Variants in ITGB1 observed in about 807,000 individuals in gnomAD.
ITGB1 encodes the protein integrin beta-1.
A neutral mutation model predicts 86.5 loss-of-function variants in ITGB1; 24 were observed. The observed-to-expected ratio is 0.28, with a 90% CI of 0.20 to 0.39. ITGB1 has a LOEUF of 0.39. Ranked by LOEUF, ITGB1 falls within the 10% of genes least tolerant of loss-of-function variation. The probability of loss-of-function intolerance (pLI) is 1.00; values close to 1 mark genes in which losing one functional copy is unlikely to be tolerated. For synonymous variants in ITGB1, 323 were observed against 316.8 expected, an observed-to-expected ratio of 1.02 and a Z score of -0.21; for missense variants, 556 against 946.9, an observed-to-expected ratio of 0.59 and a Z score of 5.42.
intron 13 of ITGB1, 58 bp from the exon 14 acceptor site, chr10:32,910,513 C>A: frequency 8.3e-7 from 1 of 1,205,312 alleles, no homozygotes; most frequent in South Asian, 1.5e-5. Context: ...TAAATATTTG[C>A]TTAAACATAT....
rs2094965813 is a variant in ITGB1, at chr10:32,926,639, C to A, written c.548-530G>T. 2.0e-5 allele frequency among the ~76,000 whole-genome samples: 3 copies of A among 152,198 alleles called. No homozygotes were observed. The South Asian group carries it at 6.2e-4, about 31-fold the overall frequency. ...TCCTGAGGCCTCCCCAGAGGCCTTG[C>A]TGATGCTAGCGCCATGCTTCCTGTA... On this transcript the variant is annotated intron_variant, in intron 5 of 15. Transcript: ENST00000302278.
At chr10:32,905,006 C>T (rs1266140787) in intron 15 of ITGB1, among the ~76,000 whole-genome samples, 1 of 148,564 alleles carries the variant, frequency 6.7e-6, no homozygotes, top group African/African-American at 2.5e-5. Context: ...CAACATTTGA[C>T]TATTTTTGAC....
At chr10:32,910,597 A>G (rs1280160739) in intron 13 of ITGB1, 142 bp from the exon 14 acceptor site, 6 of 569,248 alleles carry the variant, frequency 1.1e-5, no homozygotes, top group Non-Finnish European at 1.9e-5. Context: ...GAAGAGGAAC[A>G]TTACATTTGT....
At chr10:32,918,116 T>C (rs1180826010) in intron 11 of ITGB1, among the ~76,000 whole-genome samples, 2 of 152,140 alleles carry the variant, frequency 1.3e-5, no homozygotes, top group African/African-American at 4.8e-5. Flanking sequence ...ACACTGCACC[T>C]TCTCACTCAT....
intron 1 of ITGB1, among the ~76,000 whole-genome samples, chr10:32,939,719 GGTAA>G (rs781288660): frequency 1.8e-4 from 19 of 108,118 alleles, no homozygotes; most frequent in South Asian, 1.1e-3. Flanking sequence ...TGGCTGGGTG[GGTAA>G]GTGAGTGAGT....
intron 1 of ITGB1, chr10:32,944,471 C>T: frequency 1.1e-5 from 4 of 365,760 alleles, no homozygotes; most frequent in South Asian, 4.5e-5. Context: ...CGCGCGTCAC[C>T]AAACACTGTG....
At chr10:32,904,297 C>T (rs372362086) in intron 15 of ITGB1, among the ~76,000 whole-genome samples, 60 of 152,116 alleles carry the variant, frequency 3.9e-4, no homozygotes, top group African/African-American at 1.4e-3. Flanking sequence ...AAAAAACCCG[C>T]AGCAAGAGAA....
rs566075300 is a variant in ITGB1 at position 32,920,365 on chromosome 10, A to G, written c.1149T>C (p.Ile383=). Residue 383 remains isoleucine (I), a synonymous_variant, in exon 10 of 16, where the codon ATT becomes ATC. Transcript: ENST00000302278. ...DAYNSLSSEV[I]LENGKLSEGV... Reference sequence around the variant, plus strand: ...CTTCTGACAATTTGCCGTTTTCCAAAATGACTTCTGAGGAAAGGGACTAAA... The same window carrying G: ...CTTCTGACAATTTGCCGTTTTCCAAGATGACTTCTGAGGAAAGGGACTAAA... 6 of 1,613,536 alleles carry G rather than the reference A, an allele frequency of 3.7e-6. No individual in the cohort carries two copies. In the African/African-American group the frequency reaches 6.7e-5, roughly 18 times the overall value.
At chr10:32,957,635 G>A (rs2095055248) in intron 1 of ITGB1, 1 of 152,092 alleles carries the variant, frequency 6.6e-6, no homozygotes, top group Non-Finnish European at 1.5e-5. Flanking sequence ...GGGCGCCGAC[G>A]GCTGGCTCGA....
intron 1 of ITGB1, among the ~76,000 whole-genome samples, chr10:32,957,478 C>T (rs966306032): frequency 2.6e-5 from 4 of 152,146 alleles, no homozygotes; most frequent in African/African-American, 9.7e-5. Context: ...TTTATAAACA[C>T]GGGGAAGTGG....
intron 6 of ITGB1, among the ~76,000 whole-genome samples, chr10:32,924,210 G>A (rs1165610922): frequency 6.6e-6 from 1 of 152,046 alleles, no homozygotes; most frequent in African/African-American, 2.4e-5. Flanking sequence ...TTCTTTATCA[G>A]CCCACCATAT....
rs149776962 is a variant in ITGB1, at chr10:32,911,492, C to T, written c.1887G>A (p.Thr629=). 25 of 1,614,174 alleles carry T rather than the reference C, an allele frequency of 1.5e-5. No individual in the cohort carries two copies. The highest frequency in any genetic ancestry group is 2.0e-5 in the Non-Finnish European group (24 of 1,180,014). Residue 629 remains threonine, a synonymous_variant, in exon 13 of 16, where the codon ACG becomes ACA. Transcript: ENST00000302278. ...KCTDPKFQGQ[T]CEMCQTCLGV... ...CAAGGCAGGTCTGACACATCTCACA[C>T]GTTTGCCCTTGAAACTTCGGATCTG...
intron 11 of ITGB1, among the ~76,000 whole-genome samples, chr10:32,918,048 C>T (rs1002548936): frequency 1.3e-5 from 2 of 152,152 alleles, no homozygotes; most frequent in African/African-American, 4.8e-5. Flanking sequence ...TTTGTAGGGA[C>T]ATGGATGAAG....
chr10:32,920,048 G>C lies in ITGB1; in HGVS notation c.1306C>G (p.Pro436Ala). The change falls in exon 11 of 16, where the codon CCA becomes GCA. Residue 436 changes from proline (P) to alanine (A), a missense_variant. Pro to Ala is a conservative substitution (Grantham distance 27, BLOSUM62 -1). Around this residue, in one of 4 missense-constraint regions of ITGB1, gnomAD observed 330 missense variants for 531.5 expected, o/e 0.62. Transcript: ENST00000302278. Reference sequence around the variant, plus strand: ...TTAAAGCTGTCAGAATCCTTTTTTGGACACTTATTTGAAGTTATGCTAATT... The same window carrying C: ...TTAAAGCTGTCAGAATCCTTTTTTGCACACTTATTTGAAGTTATGCTAATT... The part of the protein sequence containing the change: ...FEISITSNKC[P>A]KKDSDSFKIR... The C allele has an allele frequency of 1.2e-6, 2 of 1,613,770 alleles. No individual in the cohort carries two copies. The highest frequency in any genetic ancestry group is 1.7e-6 in the Non-Finnish European group (2 of 1,179,886).
intron 1 of ITGB1, among the ~76,000 whole-genome samples, chr10:32,952,523 C>T (rs1182842457): frequency 3.9e-5 from 6 of 152,092 alleles, no homozygotes; most frequent in Non-Finnish European, 8.8e-5. Flanking sequence ...GAAAATCATA[C>T]ATAAACCATA....
rs761676150 is a variant in ITGB1, at chr10:32,932,500, A to G, written c.153+15T>C. The G allele has an allele frequency of 8.6e-6, 13 of 1,504,162 alleles. No individual in the cohort carries two copies. The highest frequency in any genetic ancestry group is 1.7e-5 in the Admixed American group (1 of 59,832). 93.2% of individuals were successfully genotyped at this position (1,504,162 alleles called of 1,614,324 possible). A position where few individuals can be genotyped will look rare whatever the true frequency, so the allele number is the denominator to read the frequency against. On this transcript the variant is annotated intron_variant, in intron 3 of 15. Coordinates refer to ENST00000302278, the MANE Select transcript of ITGB1 (RefSeq NM_002211.4). The stretch of plus-strand genomic sequence containing the variant: ...CCAGAGAACAAATGGAAAGGACTTG[A>G]GCAACCTTACTTACTGAATTTGTGC...
At chr10:32,903,810 T>A (rs2094888993) in intron 15 of ITGB1, among the ~76,000 whole-genome samples, 1 of 152,226 alleles carries the variant, frequency 6.6e-6, no homozygotes, top group Non-Finnish European at 1.5e-5. Context: ...AACTGGATTT[T>A]GGCAACTACT....
At chr10:32,932,749 G>C (rs1366243224) in intron 2 of ITGB1, 149 bp from the exon 3 acceptor site, 3 of 553,408 alleles carry the variant, frequency 5.4e-6, no homozygotes, top group South Asian at 4.3e-5. Flanking sequence ...TCCCCAAAGA[G>C]AGCAGGATTT....
chr10:32,915,504 T>C (rs1046181194), intron 11 of ITGB1, among the ~76,000 whole-genome samples: 42 of 152,118 alleles, frequency 2.8e-4, no homozygotes, highest in Non-Finnish European at 4.3e-4. Context: ...CCAACAGAAA[T>C]ACAAACTACC....
Sources: gnomAD v4.1 joint callset for allele counts (sites outside exome capture counted in the v4.1 genomes callset) on GRCh38, gnomAD v4.1.1 for gene constraint, gnomAD v4.1.1 regional missense constraint, MANE v1.5 for transcripts, NCBI Gene and HGNC (gene_info 2026-07-23, HGNC 2026-07-21) for gene names.